Variants in TXNDC16 observed in about 807,000 individuals in gnomAD.
TXNDC16 encodes thioredoxin domain containing 16.
Under a neutral mutation model 85.6 loss-of-function variants are expected in TXNDC16, and 74 were observed. The ratio of observed to expected loss-of-function variants is 0.86; its 90% CI spans 0.72 to 1.05. The LOEUF is 1.05. Ranked by LOEUF, TXNDC16 falls within the 50% of genes least tolerant of loss-of-function variation. The pLI, the probability that TXNDC16 is intolerant of heterozygous loss-of-function variation, is 0.00. For missense variants in TXNDC16, 959 were observed against 947.0 expected, an observed-to-expected ratio of 1.01 and a Z score of -0.17; for synonymous variants, 335 against 326.5, an observed-to-expected ratio of 1.03 and a Z score of -0.28.
intron 16 of TXNDC16, among the ~76,000 whole-genome samples, chr14:52,462,455 C>T (rs934912325): frequency 5.9e-5 from 9 of 152,308 alleles, no homozygotes; most frequent in Middle Eastern, 3.4e-3. Context: ...GCTGGAATTA[C>T]AGGCACATGC....
At chr14:52,457,808 C>A (rs2035567966) in intron 16 of TXNDC16, among the ~76,000 whole-genome samples, 1 of 152,174 alleles carries the variant, frequency 6.6e-6, no homozygotes, top group Non-Finnish European at 1.5e-5. Flanking sequence ...CTACAAATTT[C>A]TGAATACATT....
chr14:52,445,275 A>C (rs2035254056), intron 18 of TXNDC16, among the ~76,000 whole-genome samples: 1 of 152,198 alleles, frequency 6.6e-6, no homozygotes, highest in African/African-American at 2.4e-5. Context: ...ATTTAGAAAC[A>C]TACATCATGA....
At chr14:52,513,059 C>G (rs1566570966) in intron 8 of TXNDC16, among the ~76,000 whole-genome samples, 2 of 152,058 alleles carry the variant, frequency 1.3e-5, no homozygotes, top group Non-Finnish European at 2.9e-5. Context: ...TGGGTAATAC[C>G]CTTCTTGGCC....
Position 52,519,198 on chromosome 14 carries a change from G to A in TXNDC16, c.488C>T (p.Ser163Leu). 6 of 1,611,384 alleles carry A rather than the reference G, an allele frequency of 3.7e-6. No individual in the cohort carries two copies. The Admixed American group carries it at 8.3e-5, about 22-fold the overall frequency. ...ALKGKANIIFSYVRAIGIPEH... is the reference protein window; with the variant it reads ...ALKGKANIIFLYVRAIGIPEH... ...TGGTATTCCAATGGCTCTTACATAT[G>A]AGAATATAATATTTGCTTTTCCTTT... is the stretch of plus-strand genomic sequence containing the variant. Residue 163 changes from serine to leucine, a missense_variant, in exon 7 of 21, where the codon TCA (serine) becomes TTA (leucine). Ser to Leu is a moderately radical substitution (Grantham distance 145). Coordinates refer to ENST00000281741, the MANE Select transcript of TXNDC16 (RefSeq NM_020784.3).
chr14:52,454,480 T>C (rs567841270), intron 18 of TXNDC16, among the ~76,000 whole-genome samples: 1 of 150,326 alleles, frequency 6.7e-6, no homozygotes. Flanking sequence ...TCATCTACTA[T>C]GTACCCAGAA....
At chr14:52,511,419 G>A (rs2036952488) in intron 8 of TXNDC16, 29 bp from the exon 9 acceptor site, 11 of 1,489,744 alleles carry the variant, frequency 7.4e-6, no homozygotes, top group African/African-American at 1.4e-5. Context: ...TTAACTTAAT[G>A]AAGTTCAATA....
chr14:52,488,831 G>GGAAAAAAAA (rs1336603891), intron 11 of TXNDC16, among the ~76,000 whole-genome samples: 5 of 89,958 alleles, frequency 5.6e-5, no homozygotes, highest in African/African-American at 1.4e-4. Flanking sequence ...GAGACTCTGG[G>GGAAAAAAAA]AAAAAAAAAA....
Position 52,488,466 on chromosome 14 carries a change from C to CA in TXNDC16, c.1004dup (p.Leu335PhefsTer5). ...TTATTAAATCAACATCATGTAATACCAAAAATTCCACTGGAACTCCCTAGA... is the reference window on the plus strand; with the variant it reads ...TTATTAAATCAACATCATGTAATACCAAAAAATTCCACTGGAACTCCCTAGA... On this transcript the variant is annotated frameshift_variant, in exon 12 of 21. Coordinates refer to ENST00000281741, the MANE Select transcript of TXNDC16 (RefSeq NM_020784.3). LOFTEE classifies it high-confidence loss of function. 1 of 1,599,458 alleles carries CA rather than the reference C, an allele frequency of 6.3e-7. No homozygotes were observed. Among genetic ancestry groups the CA allele is most frequent in the Non-Finnish European group, 8.6e-7 (1 of 1,168,564 alleles).
rs374098017 is a variant in TXNDC16 at position 52,519,259 on chromosome 14, T to A, written c.427A>T (p.Asn143Tyr). ...LLFSEVKYIT[N>Y]LEDLQNIENA... ...TCTATGTTCTGAAGGTCTTCCAGGT[T>A]GGTAATATATTTCACTTCACTAAAA... is the stretch of plus-strand genomic sequence containing the variant. The change falls in exon 7 of 21, where the codon AAC (asparagine) becomes TAC (tyrosine). Residue 143 changes from asparagine to tyrosine, a missense_variant. Coordinates refer to ENST00000281741, the MANE Select transcript of TXNDC16 (RefSeq NM_020784.3). 6 of 1,605,032 alleles carry A rather than the reference T, an allele frequency of 3.7e-6. No individual in the cohort carries two copies. In the Admixed American group the frequency reaches 6.7e-5, roughly 18 times the overall value.
chr14:52,534,891 C>A (rs1219835723), intron 6 of TXNDC16, among the ~76,000 whole-genome samples: 1 of 152,126 alleles, frequency 6.6e-6, no homozygotes, highest in Non-Finnish European at 1.5e-5. Context: ...TTCTATAAAT[C>A]AGCATTAGTA....
chr14:52,433,397 T>TC, intron 20 of TXNDC16, among the ~76,000 whole-genome samples: 2 of 152,262 alleles, frequency 1.3e-5, no homozygotes, highest in South Asian at 4.1e-4. Context: ...CCATTTAGGG[T>TC]ACTATTTTAA....
chr14:52,530,587 T>TA (rs1333042880), intron 6 of TXNDC16, among the ~76,000 whole-genome samples: 6 of 62,306 alleles, frequency 9.6e-5, no homozygotes, highest in African/African-American at 2.2e-4. Flanking sequence ...AATTATTATA[T>TA]ATAATATATA....
In TXNDC16 at chr14:52,482,851, G is replaced by C. The variant is rs979663224; in HGVS notation, c.1223C>G (p.Ser408Cys). ...EETFNATVMA[S>C]DSIVLFYAGW... ...AGCATAGAAGAGTACTATGCTGTCAGAAGCCATCACTGTTGCATTAAATGT... is the reference window on the plus strand; with the variant it reads ...AGCATAGAAGAGTACTATGCTGTCACAAGCCATCACTGTTGCATTAAATGT... The change falls in exon 13 of 21, where the codon TCT becomes TGT. Residue 408 changes from serine (S) to cysteine (C), a missense_variant. Ser to Cys is a moderately radical substitution (Grantham distance 112, BLOSUM62 -1). Transcript: ENST00000281741. 2 of 1,611,922 alleles carry C rather than the reference G, an allele frequency of 1.2e-6. No individual in the cohort carries two copies. The highest frequency in any genetic ancestry group is 1.7e-6 in the Non-Finnish European group (2 of 1,179,286).
chr14:52,509,930 G>A (rs1420423154), intron 9 of TXNDC16, among the ~76,000 whole-genome samples: 1 of 151,104 alleles, frequency 6.6e-6, no homozygotes, highest in Non-Finnish European at 1.5e-5. Flanking sequence ...GCAGTGAGCC[G>A]AGATCGCGCC....
At chr14:52,483,659 A>T (rs748210297) in intron 12 of TXNDC16, among the ~76,000 whole-genome samples, 1 of 152,230 alleles carries the variant, frequency 6.6e-6, no homozygotes, top group Non-Finnish European at 1.5e-5. Flanking sequence ...TGAGCCAAGA[A>T]GTCTGGATTT....
At chr14:52,462,739 GTCC>G (rs2035681216) in intron 16 of TXNDC16, 1 of 354,468 alleles carries the variant, frequency 2.8e-6, no homozygotes, top group East Asian at 7.6e-5. Flanking sequence ...TAATTAGAGA[GTCC>G]TCATTTTTAA....
At chr14:52,485,750 C>A (rs1179592758) in intron 12 of TXNDC16, among the ~76,000 whole-genome samples, 1 of 152,134 alleles carries the variant, frequency 6.6e-6, no homozygotes, top group Non-Finnish European at 1.5e-5. Flanking sequence ...ATATCATACA[C>A]CCTAGGTGTG....
Position 52,432,573 on chromosome 14 carries a change from G to C in TXNDC16, c.2209C>G (p.Gln737Glu), listed in dbSNP as rs1437885627. ...LENHITILPA[Q>E]EWKPPLPAYD... ...GCTGGAAGAGGAGGTTTCCATTCTTGAGCAGGTAAAATTGCTGGAAGGAAG... is the reference window on the plus strand; with the variant it reads ...GCTGGAAGAGGAGGTTTCCATTCTTCAGCAGGTAAAATTGCTGGAAGGAAG... Residue 737 changes from glutamine to glutamate, a missense_variant, in exon 21 of 21, where the codon CAA (glutamine) becomes GAA (glutamate). Coordinates refer to ENST00000281741, the MANE Select transcript of TXNDC16 (RefSeq NM_020784.3). 5.0e-6 allele frequency: 8 copies of C among 1,605,894 alleles called. No homozygotes were observed. The highest frequency in any genetic ancestry group is 6.8e-6 in the Non-Finnish European group (8 of 1,176,738).
intron 7 of TXNDC16, 99 bp from the exon 8 acceptor site, chr14:52,515,069 T>C: frequency 1.3e-6 from 1 of 772,684 alleles, no homozygotes; most frequent in African/African-American, 1.8e-5. Context: ...TCCTTTATGT[T>C]CTACTATATT....
Sources: gnomAD v4.1 joint callset for allele counts (sites outside exome capture counted in the v4.1 genomes callset) on GRCh38, gnomAD v4.1.1 for gene constraint, MANE v1.5 for transcripts, NCBI Gene and HGNC (gene_info 2026-07-23, HGNC 2026-07-21) for gene names.